AFG3L2: variants seen among roughly 807,000 people sequenced by gnomAD.
AFG3L2 encodes mitochondrial inner membrane m-AAA protease component AFG3L2.
Under a neutral mutation model 94.5 loss-of-function variants are expected in AFG3L2, and 54 were observed. The observed-to-expected ratio is 0.57, with a 90% confidence interval of 0.46 to 0.72. AFG3L2 has a LOEUF of 0.72. Among genes scored for constraint, AFG3L2 ranks in the 30% least tolerant of loss-of-function variants. The pLI, the probability that AFG3L2 is intolerant of heterozygous loss-of-function variation, is 0.00. For missense variants in AFG3L2, 754 were observed against 994.9 expected, an observed-to-expected ratio of 0.76 and a Z score of 3.26; for synonymous variants, 377 against 365.5, an observed-to-expected ratio of 1.03 and a Z score of -0.36.
At chr18:12,332,963 ATATAT>A (rs1377287936) in intron 16 of AFG3L2, among the ~76,000 whole-genome samples, 27 of 14,692 alleles carry the variant, frequency 1.8e-3, no homozygotes, top group Non-Finnish European at 4.5e-3. Context: ...ATATACTATA[ATATAT>A]TATATATTAT....
intron 2 of AFG3L2, 61 bp downstream of exon 2, chr18:12,371,531 G>A: frequency 7.2e-7 from 1 of 1,388,108 alleles, no homozygotes; most frequent in Non-Finnish European, 1.0e-6. Context: ...ATGGGTTACA[G>A]AAGGAGACAA....
intron 5 of AFG3L2, among the ~76,000 whole-genome samples, chr18:12,365,866 CA>C (rs1189001186): frequency 2.8e-5 from 4 of 143,196 alleles, no homozygotes; most frequent in African/African-American, 1.1e-4. Context: ...TACACTGCAT[CA>C]ATTCTTTTTT....
chr18:12,363,662 C>T (rs1438990371), intron 6 of AFG3L2, 120 bp downstream of exon 6: 7 of 794,484 alleles, frequency 8.8e-6, no homozygotes, highest in South Asian at 1.4e-5. Context: ...TGCCACACTG[C>T]CCAGTTCTGA....
In AFG3L2 at chr18:12,377,000, A is replaced by C; in HGVS notation, c.83T>G (p.Val28Gly). The change falls in exon 1 of 17, where the codon GTG becomes GGG. Residue 28 changes from valine (V) to glycine (G), a missense_variant. Val to Gly is a moderately radical substitution (Grantham distance 109, BLOSUM62 -3). Around this residue, in one of 4 missense-constraint regions of AFG3L2, gnomAD observed 236 missense variants for 214.0 expected, o/e 1.10. Coordinates refer to ENST00000269143, the MANE Select transcript of AFG3L2 (RefSeq NM_006796.3). ...GAGGCAGGGCTGCTCGCCCGGGCCCACGCCGCCAGGCACGAGGAGCTGCTG... is the reference window on the plus strand; with the variant it reads ...GAGGCAGGGCTGCTCGCCCGGGCCCCCGCCGCCAGGCACGAGGAGCTGCTG... ...GLQQLLVPGG[V>G]GPGEQPCLRT... is the part of the protein sequence containing the mutation. 6.8e-7 allele frequency: 1 copy of C among 1,461,382 alleles called. No homozygotes were observed. The highest frequency in any genetic ancestry group is 9.0e-7 in the Non-Finnish European group (1 of 1,111,066). The allele number at this position is 1,461,382 out of a possible 1,614,324, so 90.5% of individuals were successfully genotyped here.
At chr18:12,333,855 CG>C (rs1907663103) in intron 16 of AFG3L2, among the ~76,000 whole-genome samples, 1 of 152,178 alleles carries the variant, frequency 6.6e-6, no homozygotes, top group Admixed American at 6.5e-5. Context: ...GAGAGGGGAA[CG>C]ACCAGGGCTC....
intron 8 of AFG3L2, among the ~76,000 whole-genome samples, chr18:12,357,521 TAA>T: frequency 6.6e-6 from 1 of 152,346 alleles, no homozygotes; most frequent in African/African-American, 2.4e-5. Flanking sequence ...TTTTCTTCTT[TAA>T]AAGTTTCACA....
chr18:12,346,311 C>T (rs1421916071), intron 13 of AFG3L2, among the ~76,000 whole-genome samples: 3 of 152,144 alleles, frequency 2.0e-5, no homozygotes, highest in Admixed American at 6.5e-5. Context: ...TGTCCCCAAC[C>T]GCCCATCTCA....
At chr18:12,375,568 C>T (rs1383665234) in intron 1 of AFG3L2, among the ~76,000 whole-genome samples, 5 of 151,276 alleles carry the variant, frequency 3.3e-5, no homozygotes, top group African/African-American at 1.2e-4. Context: ...TCTTTTGGGA[C>T]GGAGTCTCGC....
rs761754638 is a variant in AFG3L2 at position 12,377,145 on chromosome 18, G to A, written c.-63C>T. On this transcript the variant is annotated 5_prime_UTR_variant, in exon 1 of 17. Transcript: ENST00000269143. ...CAGGCGCGGGCAGGCGACGACTGGC[G>A]GCCTCGGGAAGCGGGCTCGGCTCGG... is the stretch of plus-strand genomic sequence containing the variant. 12 of 1,246,764 alleles carry A rather than the reference G, an allele frequency of 9.6e-6. No homozygotes were observed. In the South Asian group the frequency reaches 1.5e-4, roughly 16 times the overall value. 77.2% of individuals were successfully genotyped at this position (1,246,764 alleles called of 1,614,324 possible).
intron 9 of AFG3L2, among the ~76,000 whole-genome samples, chr18:12,355,661 C>A (rs1908469498): frequency 6.6e-6 from 1 of 151,320 alleles, no homozygotes; most frequent in African/African-American, 2.4e-5. Flanking sequence ...GCTTAGGACT[C>A]CCGATTTACA....
chr18:12,352,691 GA>G (rs548572206), intron 10 of AFG3L2, among the ~76,000 whole-genome samples: 96 of 152,048 alleles, frequency 6.3e-4, no homozygotes, highest in African/African-American at 2.1e-3. Context: ...AGGCTGCCAG[GA>G]AAAAATATTT....
chr18:12,333,514 C>T (rs1281464450), intron 16 of AFG3L2, among the ~76,000 whole-genome samples: 1 of 150,638 alleles, frequency 6.6e-6, no homozygotes, highest in Non-Finnish European at 1.5e-5. Context: ...CAGATGCACA[C>T]CACCATGCCG....
At chr18:12,343,812 G>A in intron 14 of AFG3L2, 1 of 429,032 alleles carries the variant, frequency 2.3e-6, no homozygotes, top group Non-Finnish European at 4.3e-6. Flanking sequence ...ACTGTAGTGT[G>A]GAGATTATGA....
At chr18:12,335,487 CA>C (rs1262613050) in intron 16 of AFG3L2, among the ~76,000 whole-genome samples, 6 of 152,128 alleles carry the variant, frequency 3.9e-5, no homozygotes, top group African/African-American at 1.4e-4. Flanking sequence ...TTTAAATATT[CA>C]AGCCCTCGAA....
intron 15 of AFG3L2, among the ~76,000 whole-genome samples, chr18:12,338,112 G>A (rs746902920): frequency 2.1e-4 from 32 of 151,948 alleles, no homozygotes; most frequent in South Asian, 4.2e-4. Flanking sequence ...TTGTTCTGTC[G>A]CCCAGGCTGG....
At chr18:12,356,859 T>C (rs1233178611) in intron 8 of AFG3L2, 28 bp from the exon 9 acceptor site, 1 of 1,610,420 alleles carries the variant, frequency 6.2e-7, no homozygotes, top group Non-Finnish European at 8.5e-7. Flanking sequence ...GAAATTACAT[T>C]TAATGAGAAT....
chr18:12,353,752 C>T (rs1908397745), intron 9 of AFG3L2, among the ~76,000 whole-genome samples: 1 of 152,074 alleles, frequency 6.6e-6, no homozygotes, highest in East Asian at 1.9e-4. Flanking sequence ...TTTGTAACAT[C>T]AACAAATTAA....
At chr18:12,373,660 G>C (rs949858050) in intron 1 of AFG3L2, among the ~76,000 whole-genome samples, 2 of 152,128 alleles carry the variant, frequency 1.3e-5, no homozygotes, top group African/African-American at 2.4e-5. Flanking sequence ...TGAGAAACAG[G>C]GTGCTGGGCT....
At chr18:12,344,307 A>G (rs977894057) in intron 13 of AFG3L2, 60 bp from the exon 14 acceptor site, 1 of 1,309,482 alleles carries the variant, frequency 7.6e-7, no homozygotes, top group Non-Finnish European at 1.1e-6. Context: ...ACATTAAAAG[A>G]CAGTTATACA....
Sources: allele counts gnomAD v4.1 joint callset (sites outside exome capture counted in the v4.1 genomes callset), GRCh38; gene constraint gnomAD v4.1.1; regional missense constraint gnomAD v4.1.1; transcripts MANE v1.5; gene names NCBI Gene and HGNC (gene_info 2026-07-23, HGNC 2026-07-21).